Variants in KCNC1 observed in about 807,000 individuals in gnomAD.
KCNC1 encodes the protein voltage-gated potassium channel KCNC1.
In KCNC1, 8 loss-of-function variants were observed where a neutral mutation model predicts 43.4. The observed-to-expected ratio is 0.18, with a 90% CI of 0.11 to 0.33. The LOEUF is 0.33. Ranked by LOEUF, KCNC1 falls within the 10% of genes least tolerant of loss-of-function variation. The pLI, the probability that KCNC1 is intolerant of heterozygous loss-of-function variation, is 1.00. For missense variants in KCNC1, 420 were observed against 836.0 expected (o/e 0.50, Z 6.14); for synonymous variants, 361 against 360.5 (o/e 1.00, Z -0.01).
chr11:17,774,970 G>A (rs1849268929), intron 2 of KCNC1: 1 of 985,298 alleles, frequency 1.0e-6, no homozygotes, highest in African/African-American at 1.7e-5. Flanking sequence ...GCGGTCTTTA[G>A]GGGCGTTGTC....
chr11:17,777,892 C>T lies in KCNC1; in HGVS notation c.1505-1564C>T. The T allele has an allele frequency of 1.0e-6, 1 of 977,538 alleles. No individual in the cohort carries two copies. Among genetic ancestry groups the T allele is most frequent in the Non-Finnish European group, 1.2e-6 (1 of 822,170 alleles). The allele number at this position is 977,538 out of a possible 1,614,324, so 60.6% of individuals were successfully genotyped here. On this transcript the variant is annotated intron_variant, in intron 2 of 3. Transcript: ENST00000265969. This position sits in a 1 kb window ranked among gnomAD's most constrained non-coding sequence, Gnocchi z 4.3. ...GGCGGTAATCCCACCCACGTGCACG[C>T]CCAGCGTGTGCACGTGGGGAAGGAT...
chr11:17,736,620 C>G lies in KCNC1; in HGVS notation c.570+48C>G, dbSNP rs1209450881. ...GAAGAGCGGGGCGGGAAGGCAGCGT[C>G]CTGTGCCTCCCCGCGGGCAGGGGTG... On this transcript the variant is annotated intron_variant, in intron 1 of 3. Transcript: ENST00000265969. The surrounding 1 kb of genome is among the most constrained non-coding windows in gnomAD (Gnocchi z 9.3). 6.9e-7 allele frequency: 1 copy of G among 1,450,012 alleles called. No individual in the cohort carries two copies. Among genetic ancestry groups the G allele is most frequent in the Non-Finnish European group, 9.0e-7 (1 of 1,108,386 alleles). The allele number at this position is 1,450,012 out of a possible 1,614,324, so 89.8% of individuals were successfully genotyped here. A position where few individuals can be genotyped will look rare whatever the true frequency, so the allele number is the denominator to read the frequency against.
chr11:17,777,306 C>T lies in KCNC1; in HGVS notation c.1505-2150C>T. Reference sequence around the variant, plus strand: ...AGAACTGCAGGCTGTGGACACCTCCCCTGGCAGAGGATGGCCAACAGAGAC... The same window carrying T: ...AGAACTGCAGGCTGTGGACACCTCCTCTGGCAGAGGATGGCCAACAGAGAC... On this transcript the variant is annotated intron_variant, in intron 2 of 3. Coordinates refer to ENST00000265969, the MANE Select transcript of KCNC1 (RefSeq NM_001112741.2). This position sits in a 1 kb window ranked among gnomAD's most constrained non-coding sequence, Gnocchi z 4.3. The T allele has an allele frequency of 6.1e-6, 6 of 985,926 alleles. No individual in the cohort carries two copies. Among genetic ancestry groups the T allele is most frequent in the Non-Finnish European group, 7.2e-6 (6 of 829,990 alleles). The allele number at this position is 985,926 out of a possible 1,614,324, so 61.1% of individuals were successfully genotyped here.
intron 1 of KCNC1, among the ~76,000 whole-genome samples, chr11:17,755,555 G>T (rs1314873645): frequency 2.6e-5 from 4 of 152,042 alleles, no homozygotes; most frequent in Non-Finnish European, 5.9e-5. Context: ...GCAGAGCCAC[G>T]AGGATTTCCT....
At chr11:17,763,948 C>G (rs1281518642) in intron 1 of KCNC1, among the ~76,000 whole-genome samples, 2 of 136,070 alleles carry the variant, frequency 1.5e-5, no homozygotes, top group South Asian at 5.0e-4. Context: ...CACACACACA[C>G]ACCCACACAC....
chr11:17,768,387 A>G (rs1242947973), intron 1 of KCNC1, among the ~76,000 whole-genome samples: 1 of 152,174 alleles, frequency 6.6e-6, no homozygotes, highest in Non-Finnish European at 1.5e-5. Flanking sequence ...GGGTGCATGC[A>G]GGGAGAGGAC....
chr11:17,763,503 A>C (rs1590102330), intron 1 of KCNC1, among the ~76,000 whole-genome samples: 5 of 138,104 alleles, frequency 3.6e-5, no homozygotes, highest in South Asian at 4.7e-4. Context: ...CCCCACACAC[A>C]CTCCCCACGC....
At position 17,776,851 on chromosome 11, in the gene KCNC1, G is replaced by A. The variant is rs1849293974; in HGVS notation, c.1505-2605G>A. ...AGCCACCCCTCTGGAGTTGGGGAGGGAGAATGCCCCAGTTTCTGAAAGCAT... is the reference window on the plus strand; with the variant it reads ...AGCCACCCCTCTGGAGTTGGGGAGGAAGAATGCCCCAGTTTCTGAAAGCAT... On this transcript the variant is annotated intron_variant, in intron 2 of 3. Coordinates refer to ENST00000265969, the MANE Select transcript of KCNC1 (RefSeq NM_001112741.2). This position sits in a 1 kb window ranked among gnomAD's most constrained non-coding sequence, Gnocchi z 4.4. 1.0e-6 allele frequency: 1 copy of A among 985,420 alleles called. No individual in the cohort carries two copies. The highest frequency in any genetic ancestry group is 1.2e-6 in the Non-Finnish European group (1 of 830,072). 61.0% of individuals were successfully genotyped at this position (985,420 alleles called of 1,614,324 possible).
In KCNC1 at chr11:17,782,533, A is replaced by T. The variant is rs914468453; in HGVS notation, c.*799A>T. On this transcript the variant is annotated 3_prime_UTR_variant, in exon 4 of 4. Transcript: ENST00000265969. ...AAATTGTTCATAGTAAATAATCACC[A>T]CCGTATGGATTTTCCAAGTGTTCCA... 1 of 152,040 alleles carries T rather than the reference A, an allele frequency of 6.6e-6. No homozygotes were observed. Among genetic ancestry groups the T allele is most frequent in the African/African-American group, 2.4e-5 (1 of 41,378 alleles). The allele number at this position is 152,040 out of a possible 1,614,324, so 9.4% of individuals were successfully genotyped here. A position where few individuals can be genotyped will look rare whatever the true frequency, so the allele number is the denominator to read the frequency against.
intron 1 of KCNC1, among the ~76,000 whole-genome samples, chr11:17,755,686 T>G (rs1590098997): frequency 4.9e-5 from 7 of 143,744 alleles, no homozygotes; most frequent in South Asian, 2.3e-4. Context: ...CTGCAGGGGG[T>G]GGGGGTGGCA....
chr11:17,775,554 CAGG>C (rs1849275929), intron 2 of KCNC1: 1 of 985,396 alleles, frequency 1.0e-6, no homozygotes, highest in African/African-American at 1.7e-5. Context: ...CTGAGGGGCC[CAGG>C]AGAAGCTACT....
intron 1 of KCNC1, among the ~76,000 whole-genome samples, chr11:17,766,778 A>T (rs10444249): frequency 6.6e-6 from 1 of 151,632 alleles, no homozygotes; most frequent in Non-Finnish European, 1.5e-5. Flanking sequence ...ATTTAGACAC[A>T]ATCAGGGGGC....
At chr11:17,758,926 C>G (rs1176449052) in intron 1 of KCNC1, among the ~76,000 whole-genome samples, 1 of 152,198 alleles carries the variant, frequency 6.6e-6, no homozygotes, top group Non-Finnish European at 1.5e-5. Flanking sequence ...CTGCATTAGC[C>G]CTTAACCAGA....
In KCNC1 at chr11:17,772,748, G is replaced by A. The variant is rs1849244635; in HGVS notation, c.1504+150G>A. The A allele has an allele frequency of 6.0e-6, 9 of 1,494,694 alleles. No individual in the cohort carries two copies. The Admixed American group carries it at 1.6e-4, about 27-fold the overall frequency. 92.6% of individuals were successfully genotyped at this position (1,494,694 alleles called of 1,614,324 possible). A position where few individuals can be genotyped will look rare whatever the true frequency, so the allele number is the denominator to read the frequency against. On this transcript the variant is annotated intron_variant, in intron 2 of 3. Coordinates refer to ENST00000265969, the MANE Select transcript of KCNC1 (RefSeq NM_001112741.2). ...GGAGGTGTGGAGCCTGGGGGCCCAGGGAGATGCTGGGCGGCCAAATTCAGC... is the reference window on the plus strand; with the variant it reads ...GGAGGTGTGGAGCCTGGGGGCCCAGAGAGATGCTGGGCGGCCAAATTCAGC...
At chr11:17,755,220 T>C (rs902654696) in intron 1 of KCNC1, among the ~76,000 whole-genome samples, 1 of 151,982 alleles carries the variant, frequency 6.6e-6, no homozygotes, top group African/African-American at 2.4e-5. Flanking sequence ...GAGGCAGATG[T>C]GAAGATGATG....
At chr11:17,765,779 GC>G in intron 1 of KCNC1, 1 of 152,406 alleles carries the variant, frequency 6.6e-6, no homozygotes, top group East Asian at 1.9e-4. Flanking sequence ...CTCCCTTTGT[GC>G]CCCCTGTCAG....
intron 1 of KCNC1, among the ~76,000 whole-genome samples, chr11:17,750,077 G>T (rs73422089): frequency 0.058 from 8,880 of 152,282 alleles, 774 homozygotes; most frequent in African/African-American, 0.19. Flanking sequence ...CTCTGCCTCA[G>T]TGTGGACTCG....
chr11:17,774,296 A>T, intron 2 of KCNC1: 1 of 985,480 alleles, frequency 1.0e-6, no homozygotes, highest in Non-Finnish European at 1.2e-6. Flanking sequence ...CCCAGGCCCC[A>T]GCTTCCATGT....
At chr11:17,752,189 C>T (rs1231015647) in intron 1 of KCNC1, among the ~76,000 whole-genome samples, 1 of 152,190 alleles carries the variant, frequency 6.6e-6, no homozygotes, top group African/African-American at 2.4e-5. Context: ...TTAGATGCTT[C>T]TGGCCTGGAG....
Sources: gnomAD v4.1 joint callset for allele counts (sites outside exome capture counted in the v4.1 genomes callset) on GRCh38, gnomAD v4.1.1 for gene constraint, Gnocchi (gnomAD v3.1) non-coding constraint, MANE v1.5 for transcripts, NCBI Gene and HGNC (gene_info 2026-07-23, HGNC 2026-07-21) for gene names.